LDLRAD4: variants seen among roughly 807,000 people sequenced by gnomAD.
LDLRAD4 encodes low-density lipoprotein receptor class A domain-containing protein 4.
Under a neutral mutation model 17.0 loss-of-function variants are expected in LDLRAD4, and 5 were observed. That is an observed-to-expected ratio of 0.29 (90% confidence interval 0.15 to 0.62). LDLRAD4 has a LOEUF of 0.62. LDLRAD4 is among the 20% of genes least tolerant of loss of function. The pLI, the probability that LDLRAD4 is intolerant of heterozygous loss-of-function variation, is 0.84. For synonymous variants in LDLRAD4, 168 were observed against 171.8 expected, an observed-to-expected ratio of 0.98 and a Z score of 0.17; for missense variants, 340 against 424.7, an observed-to-expected ratio of 0.80 and a Z score of 1.75.
intron 3 of LDLRAD4, among the ~76,000 whole-genome samples, chr18:13,454,667 G>A (rs572795672): frequency 6.6e-6 from 1 of 152,252 alleles, no homozygotes; most frequent in Non-Finnish European, 1.5e-5. Flanking sequence ...AGCAGGACAT[G>A]CCTGGCCCGG....
chr18:13,337,365 C>A (rs2082151738), intron 1 of LDLRAD4, among the ~76,000 whole-genome samples: 1 of 152,324 alleles, frequency 6.6e-6, no homozygotes, highest in South Asian at 2.1e-4. Context: ...CTGCCTCTGG[C>A]AGACCTTACA....
chr18:13,608,350 G>A (rs1191487562), intron 3 of LDLRAD4, among the ~76,000 whole-genome samples: 1 of 151,692 alleles, frequency 6.6e-6, no homozygotes, highest in Admixed American at 6.6e-5. Context: ...GGCAACTGGA[G>A]GGGGAGGCAG....
intron 1 of LDLRAD4, among the ~76,000 whole-genome samples, chr18:13,308,247 G>T (rs1286187872): frequency 6.6e-6 from 1 of 151,996 alleles, no homozygotes; most frequent in Non-Finnish European, 1.5e-5. Context: ...CTCTGCCTTT[G>T]TTTACAGCCA....
Position 13,445,670 on chromosome 18 carries a change from G to A in LDLRAD4, c.181+7286G>A, listed in dbSNP as rs1006367034. Among the ~76,000 whole-genome samples the A allele has an allele frequency of 4.6e-5, 7 of 151,284 alleles. No homozygotes were observed. In the East Asian group the frequency reaches 5.8e-4, roughly 13 times the overall value. On this transcript the variant is annotated intron_variant, in intron 3 of 5. Coordinates refer to ENST00000359446, the Ensembl canonical transcript of LDLRAD4. ...TGCATTTGTGCATGAGTGTGTTTGC[G>A]TGTGTGTGCATGTATGTGTGTAGGT...
chr18:13,351,572 G>A (rs191868452), intron 1 of LDLRAD4, among the ~76,000 whole-genome samples: 19 of 151,614 alleles, frequency 1.3e-4, no homozygotes, highest in South Asian at 4.2e-4. Context: ...TGTTGTCTTC[G>A]GTTGAATCCC....
exon 6 of LDLRAD4, chr18:13,650,085 C>A: frequency 2.5e-6 from 1 of 398,690 alleles, no homozygotes; most frequent in South Asian, 1.3e-4. Context: ...CTGCCAGCAC[C>A]GCTACAGATC....
chr18:13,561,662 G>A (rs2094542183), intron 3 of LDLRAD4: 1 of 152,152 alleles, frequency 6.6e-6, no homozygotes, highest in South Asian at 2.1e-4. Flanking sequence ...TGCAAAGACG[G>A]ACGTGATGAC....
chr18:13,372,373 C>T (rs556390637), intron 1 of LDLRAD4, among the ~76,000 whole-genome samples: 6 of 152,276 alleles, frequency 3.9e-5, no homozygotes, highest in South Asian at 2.1e-4. Context: ...AGGATTTGCT[C>T]GTCAGCAGTA....
chr18:13,297,959 G>A (rs1312697811), intron 1 of LDLRAD4, among the ~76,000 whole-genome samples: 4 of 152,258 alleles, frequency 2.6e-5, no homozygotes, highest in Admixed American at 2.6e-4. Flanking sequence ...CCCTCTCTTA[G>A]TTATAGGCGC....
chr18:13,558,636 C>T (rs2094508355), intron 3 of LDLRAD4, among the ~76,000 whole-genome samples: 2 of 152,160 alleles, frequency 1.3e-5, no homozygotes, highest in Admixed American at 6.5e-5. Context: ...GCTAGCTGAA[C>T]GAGTCCCACG....
At chr18:13,573,571 T>C (rs1333169675) in intron 3 of LDLRAD4, among the ~76,000 whole-genome samples, 1 of 152,246 alleles carries the variant, frequency 6.6e-6, no homozygotes, top group Non-Finnish European at 1.5e-5. Context: ...TCCTTGATTC[T>C]CCTGTACAGT....
intron 3 of LDLRAD4, among the ~76,000 whole-genome samples, chr18:13,446,383 G>A (rs995907299): frequency 1.3e-5 from 2 of 152,174 alleles, no homozygotes; most frequent in Admixed American, 6.5e-5. Context: ...GGGCTTGGGT[G>A]GTGGGGATCA....
At chr18:13,400,027 C>T (rs1181963782) in intron 2 of LDLRAD4, among the ~76,000 whole-genome samples, 1 of 152,222 alleles carries the variant, frequency 6.6e-6, no homozygotes, top group Non-Finnish European at 1.5e-5. Context: ...CGTTACTCTT[C>T]CCTGTTGTTT....
chr18:13,326,156 A>G (rs1486717150), intron 1 of LDLRAD4, among the ~76,000 whole-genome samples: 1 of 152,144 alleles, frequency 6.6e-6, no homozygotes, highest in Non-Finnish European at 1.5e-5. Flanking sequence ...TTATTAAGCC[A>G]GCTTTAGGGT....
At chr18:13,466,524 A>C (rs1045485920) in intron 3 of LDLRAD4, among the ~76,000 whole-genome samples, 2 of 151,814 alleles carry the variant, frequency 1.3e-5, no homozygotes, top group Non-Finnish European at 2.9e-5. Flanking sequence ...ACATTTATAG[A>C]ATGAAAGAAA....
chr18:13,352,560 TG>T (rs1333444283), intron 1 of LDLRAD4, among the ~76,000 whole-genome samples: 1 of 152,236 alleles, frequency 6.6e-6, no homozygotes, highest in Non-Finnish European at 1.5e-5. Flanking sequence ...TGTCTTGGTG[TG>T]GGTCTCTTTA....
exon 6 of LDLRAD4, chr18:13,652,120 C>T (rs1365747282): frequency 6.6e-6 from 1 of 152,188 alleles, no homozygotes; most frequent in Non-Finnish European, 1.5e-5. Flanking sequence ...AAACAAAGCT[C>T]CCACCCCCCA....
rs933758243 is a variant in LDLRAD4 at position 13,387,487 on chromosome 18, T to C, written c.-236T>C. 4.9e-5 allele frequency: 23 copies of C among 468,966 alleles called. No homozygotes were observed. The Admixed American group carries it at 9.3e-4, about 19-fold the overall frequency. The allele number at this position is 468,966 out of a possible 1,614,324, so 29.1% of individuals were successfully genotyped here. On this transcript the variant is annotated 5_prime_UTR_variant, in exon 2 of 6. Coordinates refer to ENST00000359446, the Ensembl canonical transcript of LDLRAD4. ...CAGCCCCTCCACCCGCGCCATGGCC[T>C]CCGCGCCCTGGCTGGACGGCTGACG...
At chr18:13,499,710 CAT>C (rs1407055305) in intron 3 of LDLRAD4, among the ~76,000 whole-genome samples, 2 of 152,012 alleles carry the variant, frequency 1.3e-5, no homozygotes, top group African/African-American at 4.8e-5. Flanking sequence ...CATCTCCACA[CAT>C]GTCCCGCCGT....
Sources: gnomAD v4.1 joint callset for allele counts (sites outside exome capture counted in the v4.1 genomes callset) on GRCh38, gnomAD v4.1.1 for gene constraint, MANE v1.5 for transcripts, NCBI Gene and HGNC (gene_info 2026-07-23, HGNC 2026-07-21) for gene names.